Variants in ALK observed in about 807,000 individuals in gnomAD.
ALK encodes the protein ALK tyrosine kinase receptor.
In ALK, 74 loss-of-function variants were observed where a neutral mutation model predicts 163.1. The observed-to-expected ratio is 0.45, with a 90% CI of 0.38 to 0.55. The LOEUF is 0.55. Among genes scored for constraint, ALK ranks in the 20% least tolerant of loss-of-function variants. The pLI is 0.00. For synonymous variants in ALK, 960 were observed against 843.2 expected, an observed-to-expected ratio of 1.14 and a Z score of -2.40; for missense variants, 2,063 against 2,105.3, an observed-to-expected ratio of 0.98 and a Z score of 0.39.
rs534085845 is a variant in ALK, at chr2:29,491,813, G to C, written c.1154+40102C>G. Among the ~76,000 whole-genome samples the C allele has an allele frequency of 8.5e-5, 13 of 152,292 alleles. No homozygotes were observed. The South Asian group carries it at 2.7e-3, about 32-fold the overall frequency. On this transcript the variant is annotated intron_variant, in intron 4 of 28. Coordinates refer to ENST00000389048, the MANE Select transcript of ALK (RefSeq NM_004304.5). ...AGGGAGTGCTGAGAACCCAGGCTCG[G>C]AGAGAAGCACAAAATGAGAGAAGAG...
chr2:29,520,574 T>C (rs926034204), intron 4 of ALK, among the ~76,000 whole-genome samples: 1 of 152,162 alleles, frequency 6.6e-6, no homozygotes, highest in Non-Finnish European at 1.5e-5. Flanking sequence ...CAATCAGCTC[T>C]GCTCACAGAA....
intron 4 of ALK, among the ~76,000 whole-genome samples, chr2:29,422,864 G>T (rs1670049854): frequency 6.6e-6 from 1 of 151,118 alleles, no homozygotes; most frequent in African/African-American, 2.4e-5. Flanking sequence ...GAGGAACAGT[G>T]CCTGAGTCTA....
At chr2:29,571,221 A>G (rs985149479) in intron 3 of ALK, among the ~76,000 whole-genome samples, 4 of 152,166 alleles carry the variant, frequency 2.6e-5, no homozygotes, top group Non-Finnish European at 5.9e-5. Context: ...GCACCTAGAG[A>G]CCTACAGAGA....
chr2:29,808,918 G>C (rs1279770979), intron 1 of ALK, among the ~76,000 whole-genome samples: 1 of 152,138 alleles, frequency 6.6e-6, no homozygotes, highest in African/African-American at 2.4e-5. Flanking sequence ...TTTATGTACA[G>C]CTTCCTATGA....
intron 9 of ALK, among the ~76,000 whole-genome samples, chr2:29,288,274 G>T (rs1238651839): frequency 2.6e-5 from 4 of 152,164 alleles, no homozygotes; most frequent in African/African-American, 7.2e-5. Context: ...ATAGGCTTTA[G>T]GCTCATTGAC....
At chr2:29,893,526 C>T (rs779727495) in intron 1 of ALK, among the ~76,000 whole-genome samples, 3 of 152,098 alleles carry the variant, frequency 2.0e-5, no homozygotes, top group East Asian at 1.9e-4. Context: ...AACAACCTCC[C>T]GAATTTGATT....
At chr2:29,681,496 G>A (rs758041720) in intron 3 of ALK, among the ~76,000 whole-genome samples, 13 of 152,126 alleles carry the variant, frequency 8.5e-5, no homozygotes, top group Non-Finnish European at 1.8e-4. Context: ...CTTTGCGTAT[G>A]TCAGGTCTTA....
At chr2:29,314,485 A>ATG (rs150560729) in intron 8 of ALK, among the ~76,000 whole-genome samples, 2 of 151,796 alleles carry the variant, frequency 1.3e-5, no homozygotes, top group South Asian at 2.1e-4. Context: ...GCATGTGTGT[A>ATG]TGTGTGTGTG....
At chr2:29,837,956 A>G (rs1015621633) in intron 1 of ALK, among the ~76,000 whole-genome samples, 2 of 152,200 alleles carry the variant, frequency 1.3e-5, no homozygotes, top group African/African-American at 4.8e-5. Context: ...CATATATTTA[A>G]GGGAAAATAT....
chr2:29,902,421 C>T (rs1667440440), intron 1 of ALK, among the ~76,000 whole-genome samples: 1 of 152,192 alleles, frequency 6.6e-6, no homozygotes, highest in African/African-American at 2.4e-5. Flanking sequence ...CTCCTCCACC[C>T]CAGATTCCTG....
At chr2:29,369,068 C>G (rs1450532471) in intron 5 of ALK, among the ~76,000 whole-genome samples, 1 of 152,196 alleles carries the variant, frequency 6.6e-6, no homozygotes, top group Non-Finnish European at 1.5e-5. Flanking sequence ...AGTGTCTTCC[C>G]ATGCAGAGAC....
intron 1 of ALK, among the ~76,000 whole-genome samples, chr2:29,766,157 T>C (rs988197785): frequency 3.3e-5 from 5 of 152,234 alleles, no homozygotes; most frequent in African/African-American, 9.6e-5. Context: ...TTTTTGCTGG[T>C]ATAAACAATG....
chr2:29,264,010 T>C (rs1260520092), intron 11 of ALK, among the ~76,000 whole-genome samples: 1 of 152,248 alleles, frequency 6.6e-6, no homozygotes, highest in Non-Finnish European at 1.5e-5. Context: ...ATCCTGCTGC[T>C]GTCTCTCAAA....
At chr2:29,402,929 G>A (rs941026672) in intron 4 of ALK, among the ~76,000 whole-genome samples, 27 of 151,598 alleles carry the variant, frequency 1.8e-4, no homozygotes, top group East Asian at 5.9e-4. Context: ...AATGATTACC[G>A]AACCAGATCT....
At chr2:29,725,680 G>C (rs531879161) in intron 1 of ALK, among the ~76,000 whole-genome samples, 6 of 151,832 alleles carry the variant, frequency 4.0e-5, no homozygotes, top group African/African-American at 1.5e-4. Flanking sequence ...ATTAGGAAAA[G>C]CATTTCACAG....
intron 1 of ALK, among the ~76,000 whole-genome samples, chr2:29,733,378 G>A (rs142654724): frequency 2.6e-5 from 4 of 152,306 alleles, no homozygotes; most frequent in Non-Finnish European, 5.9e-5. Context: ...GAGGCCAGAT[G>A]GGGAATCCCA....
intron 8 of ALK, among the ~76,000 whole-genome samples, chr2:29,298,776 T>C (rs1666277385): frequency 6.6e-6 from 1 of 152,200 alleles, no homozygotes; most frequent in Admixed American, 6.5e-5. Flanking sequence ...TTTATCCTCC[T>C]TTCTTTTCCT....
chr2:29,455,441 A>C (rs773319948), intron 4 of ALK, among the ~76,000 whole-genome samples: 1 of 152,158 alleles, frequency 6.6e-6, no homozygotes, highest in Non-Finnish European at 1.5e-5. Context: ...CGGGGGACAG[A>C]AATGGATGTT....
chr2:29,255,489 C>T (rs193290914), intron 11 of ALK, among the ~76,000 whole-genome samples: 114 of 152,262 alleles, frequency 7.5e-4, no homozygotes, highest in African/African-American at 2.7e-3. Context: ...ATCTAATACT[C>T]GATGAGACTT....
Sources: allele counts gnomAD v4.1 joint callset (sites outside exome capture counted in the v4.1 genomes callset), GRCh38; gene constraint gnomAD v4.1.1; transcripts MANE v1.5; gene names NCBI Gene and HGNC (gene_info 2026-07-23, HGNC 2026-07-21).